Variants in PLD1 observed in about 807,000 individuals in gnomAD.
PLD1 encodes phospholipase D1.
In PLD1, 112 loss-of-function variants were observed where a neutral mutation model predicts 137.1. The observed-to-expected ratio is 0.82, with a 90% CI of 0.70 to 0.96. The LOEUF (loss-of-function observed/expected upper bound fraction) is 0.96, where lower values mean the gene tolerates loss of function less well. Among genes scored for constraint, PLD1 ranks in the 40% least tolerant of loss-of-function variants. The pLI is 0.00. For missense variants in PLD1, 1,321 were observed against 1,342.0 expected (o/e 0.98, Z 0.24); for synonymous variants, 431 against 454.7 (o/e 0.95, Z 0.66).
chr3:171,620,738 CTCTCTATATA>C (rs1233454487), intron 23 of PLD1, among the ~76,000 whole-genome samples: 16 of 77,076 alleles, frequency 2.1e-4, no homozygotes, highest in African/African-American at 6.9e-4. Context: ...CTCTCTCTCT[CTCTCTATATA>C]TATATATATA....
At chr3:171,628,680 A>C (rs904574420) in intron 23 of PLD1, among the ~76,000 whole-genome samples, 1 of 151,234 alleles carries the variant, frequency 6.6e-6, no homozygotes, top group Non-Finnish European at 1.5e-5. Context: ...AGTGGGCTTC[A>C]TCCCTGGGAT....
At chr3:171,623,416 G>A (rs1297299953) in intron 23 of PLD1, among the ~76,000 whole-genome samples, 13 of 149,434 alleles carry the variant, frequency 8.7e-5, no homozygotes, top group African/African-American at 9.9e-5. Context: ...CCGGGTTCAC[G>A]CCATTCTCCT....
intron 1 of PLD1, among the ~76,000 whole-genome samples, chr3:171,778,436 A>G (rs1456124744): frequency 1.8e-4 from 28 of 152,250 alleles, no homozygotes; most frequent in Non-Finnish European, 1.9e-4. Flanking sequence ...TGTTAAGAAA[A>G]CTAAAGCAGA....
chr3:171,760,267 T>C (rs555823827), intron 1 of PLD1, among the ~76,000 whole-genome samples: 18 of 152,322 alleles, frequency 1.2e-4, no homozygotes, highest in African/African-American at 4.3e-4. Context: ...GTGGTTTCTT[T>C]TCCTTAATGC....
chr3:171,703,235 C>A (rs538536047), intron 11 of PLD1, among the ~76,000 whole-genome samples: 1 of 152,280 alleles, frequency 6.6e-6, no homozygotes, highest in South Asian at 2.1e-4. Context: ...CTATCTCTAA[C>A]ATCACACATA....
chr3:171,617,746 A>C (rs1176794262), intron 24 of PLD1, among the ~76,000 whole-genome samples: 1 of 152,164 alleles, frequency 6.6e-6, no homozygotes, highest in Middle Eastern at 3.2e-3. Flanking sequence ...AGAGATCTTC[A>C]GTGTGAGAAA....
At chr3:171,646,986 C>T (rs1736281246) in intron 21 of PLD1, among the ~76,000 whole-genome samples, 1 of 152,214 alleles carries the variant, frequency 6.6e-6, no homozygotes, top group Non-Finnish European at 1.5e-5. Flanking sequence ...TCTGCCAAGC[C>T]ACTTGGCTCT....
At chr3:171,665,705 G>GA (rs56307995) in intron 19 of PLD1, among the ~76,000 whole-genome samples, 9,052 of 130,426 alleles carry the variant, frequency 0.069, 707 homozygotes, top group African/African-American at 0.21. Context: ...CGTCTCAAAA[G>GA]AAAAAAAAAA....
At chr3:171,646,500 A>T (rs1736225729) in intron 21 of PLD1, among the ~76,000 whole-genome samples, 1 of 152,196 alleles carries the variant, frequency 6.6e-6, no homozygotes, top group African/African-American at 2.4e-5. Flanking sequence ...TGCCATGCTA[A>T]GAAACAAGGA....
chr3:171,606,235 AT>A (rs1281956270), intron 25 of PLD1, among the ~76,000 whole-genome samples: 34 of 152,174 alleles, frequency 2.2e-4, no homozygotes, highest in Non-Finnish European at 4.6e-4. Context: ...AACTATAATA[AT>A]GTACAGCTGT....
At chr3:171,646,313 A>G (rs1736207615) in intron 21 of PLD1, among the ~76,000 whole-genome samples, 1 of 152,224 alleles carries the variant, frequency 6.6e-6, no homozygotes, top group African/African-American at 2.4e-5. Context: ...TCTCATTTCT[A>G]AAGTGCATTT....
chr3:171,649,800 G>A (rs894299700), intron 21 of PLD1, among the ~76,000 whole-genome samples: 6 of 151,930 alleles, frequency 3.9e-5, no homozygotes, highest in Admixed American at 3.3e-4. Context: ...GCAGTGCTAC[G>A]TATAATAGCT....
At chr3:171,629,979 A>C (rs1004950969) in intron 23 of PLD1, among the ~76,000 whole-genome samples, 3 of 152,236 alleles carry the variant, frequency 2.0e-5, no homozygotes, top group African/African-American at 7.2e-5. Flanking sequence ...TAAAACACCA[A>C]AAGCAATAGC....
intron 8 of PLD1, among the ~76,000 whole-genome samples, chr3:171,724,048 A>T (rs4894749): frequency 0.36 from 54,760 of 151,980 alleles, 10,951 homozygotes; most frequent in African/African-American, 0.52. Context: ...GATGAACATT[A>T]GAATTGTTTC....
At chr3:171,639,842 C>CTATATATATATATA (rs1183896689) in intron 23 of PLD1, among the ~76,000 whole-genome samples, 1 of 118,226 alleles carries the variant, frequency 8.5e-6, no homozygotes, top group African/African-American at 3.8e-5. Context: ...CTCTCTCTCT[C>CTATATATATATATA]TCTCTCTATA....
chr3:171,707,303 T>G (rs1716769862), intron 11 of PLD1, among the ~76,000 whole-genome samples: 1 of 152,142 alleles, frequency 6.6e-6, no homozygotes, highest in Non-Finnish European at 1.5e-5. Flanking sequence ...CCCCTGAATT[T>G]AAAAGTTAAA....
In PLD1 at chr3:171,800,947, C is replaced by A. The variant is rs180978495; in HGVS notation, c.-32+9452G>T. ...AAGGCCTCACCTCCTAATACCATCA[C>A]CCCTTGGGGTGAGGATTTCAACATA... On this transcript the variant is annotated intron_variant, in intron 1 of 26. Transcript: ENST00000351298. 2.0e-4 allele frequency among the ~76,000 whole-genome samples: 30 copies of A among 152,344 alleles called. No individual in the cohort carries two copies. In the East Asian group the frequency reaches 4.2e-3, roughly 22 times the overall value.
intron 1 of PLD1, chr3:171,789,795 T>A (rs1386158383): frequency 6.6e-6 from 1 of 152,238 alleles, no homozygotes; most frequent in African/African-American, 2.4e-5. Context: ...CATCACTCAC[T>A]TGCTGCCAGA....
intron 1 of PLD1, chr3:171,789,235 C>T (rs1303309389): frequency 7.2e-5 from 11 of 152,194 alleles, no homozygotes; most frequent in Admixed American, 3.3e-4. Context: ...GCACATGGCA[C>T]GTTCTGGAAC....
Sources: allele counts gnomAD v4.1 joint callset (sites outside exome capture counted in the v4.1 genomes callset), GRCh38; gene constraint gnomAD v4.1.1; transcripts MANE v1.5; gene names NCBI Gene and HGNC (gene_info 2026-07-23, HGNC 2026-07-21).